DYM: variants seen among roughly 807,000 people sequenced by gnomAD.
DYM encodes dyggve-Melchior-Clausen syndrome protein.
Under a neutral mutation model 93.1 loss-of-function variants are expected in DYM, and 78 were observed. The observed-to-expected ratio is 0.84, with a 90% CI of 0.70 to 1.01. DYM has a LOEUF of 1.01. Among genes scored for constraint, DYM ranks in the 50% least tolerant of loss-of-function variants. The pLI is 0.00. For synonymous variants in DYM, 321 were observed against 319.7 expected, an observed-to-expected ratio of 1.00 and a Z score of -0.04; for missense variants, 789 against 845.0, an observed-to-expected ratio of 0.93 and a Z score of 0.82.
intron 1 of DYM, among the ~76,000 whole-genome samples, chr18:49,457,313 T>C (rs1365902321): frequency 2.0e-5 from 3 of 152,238 alleles, no homozygotes; most frequent in Non-Finnish European, 4.4e-5. Context: ...CAGCGTGTCC[T>C]GTGTCAAGTA....
chr18:49,145,400 T>C (rs1178271779), intron 15 of DYM, among the ~76,000 whole-genome samples: 1 of 152,000 alleles, frequency 6.6e-6, no homozygotes, highest in Admixed American at 6.6e-5. Flanking sequence ...TTATTTAAAT[T>C]TTAGACACTG....
chr18:49,097,349 T>C (rs1351646688), intron 17 of DYM, 53 bp downstream of exon 17: 1 of 1,544,146 alleles, frequency 6.5e-7, no homozygotes, highest in African/African-American at 1.4e-5. Flanking sequence ...GACACTAACA[T>C]TTACATCAAG....
intron 17 of DYM, among the ~76,000 whole-genome samples, chr18:49,055,703 C>A (rs564610325): frequency 1.3e-5 from 2 of 152,184 alleles, no homozygotes; most frequent in South Asian, 4.1e-4. Flanking sequence ...CCCAAAATGC[C>A]GAGGGCCAAA....
chr18:49,043,877 T>C lies in DYM; in HGVS notation c.*178A>G. 5.5e-6 allele frequency: 4 copies of C among 725,010 alleles called. No homozygotes were observed. The highest frequency in any genetic ancestry group is 9.4e-6 in the Non-Finnish European group (4 of 426,722). The allele number at this position is 725,010 out of a possible 1,614,324, so 44.9% of individuals were successfully genotyped here. On this transcript the variant is annotated 3_prime_UTR_variant, in exon 18 of 18. Transcript: ENST00000675505. ...TTGCAATACTATCTACGCTGAGTTA[T>C]CTATTGCCAACTAGCACCAATTCTC...
chr18:49,331,588 C>T (rs760619116), intron 8 of DYM, among the ~76,000 whole-genome samples: 1 of 152,208 alleles, frequency 6.6e-6, no homozygotes, highest in Non-Finnish European at 1.5e-5. Context: ...TTTTACTATA[C>T]AGCTACAATT....
At chr18:49,418,060 G>GA (rs751844426) in intron 2 of DYM, 68,541 of 107,518 alleles carry the variant, frequency 0.64, 21,737 homozygotes, top group Non-Finnish European at 0.68. Context: ...AACTCTGTCT[G>GA]AAAAAAAAAA....
chr18:49,327,889 C>T (rs2063015266), intron 8 of DYM, among the ~76,000 whole-genome samples: 2 of 152,164 alleles, frequency 1.3e-5, no homozygotes, highest in South Asian at 4.1e-4. Context: ...GGATGGCGCT[C>T]TGCTGGATAC....
At chr18:49,075,733 C>G (rs1208307357) in intron 17 of DYM, among the ~76,000 whole-genome samples, 2 of 152,070 alleles carry the variant, frequency 1.3e-5, no homozygotes, top group Non-Finnish European at 2.9e-5. Context: ...GTCTTGGAAA[C>G]AAGGAATGGC....
chr18:49,326,397 T>A (rs1408722190), intron 8 of DYM, among the ~76,000 whole-genome samples: 1 of 151,798 alleles, frequency 6.6e-6, no homozygotes, highest in African/African-American at 2.4e-5. Context: ...TAACACAAGA[T>A]AAATATATTA....
chr18:49,050,845 C>T (rs911578275), intron 17 of DYM, among the ~76,000 whole-genome samples: 5 of 152,216 alleles, frequency 3.3e-5, no homozygotes, highest in African/African-American at 9.6e-5. Context: ...GAACAAACAT[C>T]GGTTCTAAGA....
intron 8 of DYM, among the ~76,000 whole-genome samples, chr18:49,319,779 C>T (rs930379781): frequency 6.6e-5 from 10 of 152,204 alleles, no homozygotes; most frequent in African/African-American, 1.2e-4. Flanking sequence ...TATCCTCTTC[C>T]AATCCACCAC....
chr18:49,189,995 A>T, intron 14 of DYM, among the ~76,000 whole-genome samples: 1 of 152,252 alleles, frequency 6.6e-6, no homozygotes, highest in Admixed American at 6.5e-5. Flanking sequence ...CCTTCCGTTA[A>T]ACTAGACAAT....
intron 6 of DYM, among the ~76,000 whole-genome samples, chr18:49,341,205 T>C (rs2064091872): frequency 6.6e-6 from 1 of 152,096 alleles, no homozygotes; most frequent in African/African-American, 2.4e-5. Flanking sequence ...ACAAAGATGA[T>C]AAAGGCTGGA....
chr18:49,105,893 G>A (rs1177078974), intron 16 of DYM, among the ~76,000 whole-genome samples: 2 of 152,214 alleles, frequency 1.3e-5, no homozygotes, highest in African/African-American at 4.8e-5. Context: ...TGCTGATTTG[G>A]GGTGGAGAGT....
chr18:49,333,307 G>C (rs1568267889), intron 7 of DYM, among the ~76,000 whole-genome samples: 1 of 152,216 alleles, frequency 6.6e-6, no homozygotes, highest in Non-Finnish European at 1.5e-5. Flanking sequence ...AGTAGGAATA[G>C]TCAGCGAAGA....
chr18:49,357,629 T>C (rs959004161), intron 6 of DYM, among the ~76,000 whole-genome samples: 1 of 152,182 alleles, frequency 6.6e-6, no homozygotes, highest in Non-Finnish European at 1.5e-5. Context: ...ACAAACAAAA[T>C]GCTTTAAGCA....
At chr18:49,117,374 G>C (rs899427662) in intron 16 of DYM, among the ~76,000 whole-genome samples, 7 of 152,128 alleles carry the variant, frequency 4.6e-5, no homozygotes, top group Admixed American at 1.3e-4. Flanking sequence ...GAATGGATTT[G>C]CAACAGTATA....
intron 17 of DYM, among the ~76,000 whole-genome samples, chr18:49,052,154 G>A (rs1568344646): frequency 6.6e-6 from 1 of 152,202 alleles, no homozygotes; most frequent in South Asian, 2.1e-4. Flanking sequence ...TTTTCCTGAA[G>A]GGAGCTGTTT....
At chr18:49,416,600 T>C (rs113284367) in intron 2 of DYM, among the ~76,000 whole-genome samples, 2,768 of 152,290 alleles carry the variant, frequency 0.018, 82 homozygotes, top group African/African-American at 0.063. Context: ...TGTTAGCTGG[T>C]TACACACACT....
Sources: gnomAD v4.1 joint callset for allele counts (sites outside exome capture counted in the v4.1 genomes callset) on GRCh38, gnomAD v4.1.1 for gene constraint, MANE v1.5 for transcripts, NCBI Gene and HGNC (gene_info 2026-07-23, HGNC 2026-07-21) for gene names.